Variants in GTPBP1 observed in about 807,000 individuals in gnomAD.
GTPBP1 encodes the protein GTP-binding protein 1.
A neutral mutation model predicts 62.0 loss-of-function variants in GTPBP1; 23 were observed. That is an observed-to-expected ratio of 0.37 (90% CI 0.27 to 0.53). The LOEUF (loss-of-function observed/expected upper bound fraction) is 0.53, where lower values mean the gene tolerates loss of function less well. GTPBP1 is among the 20% of genes least tolerant of loss of function. The pLI, the probability that GTPBP1 is intolerant of heterozygous loss-of-function variation, is 0.89. For missense variants in GTPBP1, 640 were observed against 917.3 expected (o/e 0.70, Z 3.90); for synonymous variants, 344 against 364.4 (o/e 0.94, Z 0.64).
At chr22:38,733,742 A>G (rs977596957), downstream of GTPBP1, among the ~76,000 whole-genome samples, 3 of 152,230 alleles carry the variant, frequency 2.0e-5, no homozygotes, top group Non-Finnish European at 4.4e-5. Context: ...AGAAGGTCAC[A>G]GGGATGAATA....
At chr22:38,707,656 A>T (rs1242473020) in intron 1 of GTPBP1, among the ~76,000 whole-genome samples, 1 of 152,252 alleles carries the variant, frequency 6.6e-6, no homozygotes, top group African/African-American at 2.4e-5. Flanking sequence ...CTGAAGAAAC[A>T]TGATAGGAAA....
At chr22:38,712,039 C>G (rs973889296) in intron 2 of GTPBP1, among the ~76,000 whole-genome samples, 2 of 152,002 alleles carry the variant, frequency 1.3e-5, no homozygotes, top group Admixed American at 1.3e-4. Flanking sequence ...TGCCACCACG[C>G]CTGGCTAATT....
At chr22:38,713,744 G>T (rs1365529159) in intron 2 of GTPBP1, among the ~76,000 whole-genome samples, 4 of 152,184 alleles carry the variant, frequency 2.6e-5, no homozygotes, top group Non-Finnish European at 5.9e-5. Context: ...TACCTCATAA[G>T]ATTACAGTGA....
Position 38,732,684 on chromosome 22 carries a change from C to G in GTPBP1, c.*1980C>G, listed in dbSNP as rs964182742. 3 of 152,284 alleles carry G rather than the reference C, an allele frequency of 2.0e-5. No individual in the cohort carries two copies. Among genetic ancestry groups the G allele is most frequent in the Non-Finnish European group, 4.4e-5 (3 of 68,138 alleles). The allele number at this position is 152,284 out of a possible 1,614,324, so 9.4% of individuals were successfully genotyped here. On this transcript the variant is annotated 3_prime_UTR_variant, in exon 12 of 12. Transcript: ENST00000216044. ...CATTCCCAGCAGCCGCCCCTGAGGT[C>G]GATGTTTGTTCTGTTTTTCTTTTTC...
downstream of GTPBP1, chr22:38,735,920 T>C (rs2092800756): frequency 4.7e-6 from 1 of 214,642 alleles, no homozygotes; most frequent in Non-Finnish European, 9.9e-6. Context: ...TGGCACCTGC[T>C]TCATCAGCTC....
At chr22:38,712,491 C>T (rs1360361648) in intron 2 of GTPBP1, among the ~76,000 whole-genome samples, 2 of 151,994 alleles carry the variant, frequency 1.3e-5, no homozygotes, top group Non-Finnish European at 2.9e-5. Flanking sequence ...TTCTGAGAGT[C>T]TAGGGAGTCT....
intron 2 of GTPBP1, among the ~76,000 whole-genome samples, chr22:38,712,065 G>A (rs1037937184): frequency 4.6e-5 from 7 of 151,962 alleles, no homozygotes; most frequent in African/African-American, 1.7e-4. Context: ...ATTTTTATTA[G>A]AGACGGGGTT....
Position 38,715,953 on chromosome 22 carries a change from C to T in GTPBP1, c.351C>T (p.Tyr117=), listed in dbSNP as rs375358120. ...GTGAAGCTGACATGGAGGCCTCCTA[C>T]GCCACAGTGAAGAGCATGGCGGAAC... ...GLSEADMEAS[Y]ATVKSMAEQI... Residue 117 remains tyrosine, a synonymous_variant, in exon 3 of 12, where the codon TAC becomes TAT. Coordinates refer to ENST00000216044, the MANE Select transcript of GTPBP1 (RefSeq NM_004286.5). 25 of 1,613,820 alleles carry T rather than the reference C, an allele frequency of 1.5e-5. No individual in the cohort carries two copies. Among genetic ancestry groups the T allele is most frequent in the South Asian group, 1.1e-4 (10 of 91,082 alleles).
intron 5 of GTPBP1, chr22:38,723,042 T>C: frequency 2.5e-6 from 2 of 793,284 alleles, no homozygotes; most frequent in Non-Finnish European, 4.6e-6. Context: ...GGGATGTTCA[T>C]GTGGTCCAAA....
At chr22:38,728,432 G>C in intron 10 of GTPBP1, 2 of 452,952 alleles carry the variant, frequency 4.4e-6, no homozygotes, top group Non-Finnish European at 4.1e-6. Flanking sequence ...GCCCAGCCAG[G>C]CTCAGCCTCC....
rs2092770838 is a variant in GTPBP1, at chr22:38,733,038, C to T, written c.*2334C>T. 1 of 152,338 alleles carries T rather than the reference C, an allele frequency of 6.6e-6. No homozygotes were observed. The highest frequency in any genetic ancestry group is 6.5e-5 in the Admixed American group (1 of 15,288). The allele number at this position is 152,338 out of a possible 1,614,324, so 9.4% of individuals were successfully genotyped here. On this transcript the variant is annotated 3_prime_UTR_variant, in exon 12 of 12. Coordinates refer to ENST00000216044, the MANE Select transcript of GTPBP1 (RefSeq NM_004286.5). ...AGGGAACTGAAGCTCAGAGAGGTGT[C>T]ACCAGCAGGTGTTCATTCCCATGCC...
chr22:38,740,038 G>C, downstream of GTPBP1: 3 of 1,414,272 alleles, frequency 2.1e-6, no homozygotes, highest in Non-Finnish European at 2.9e-6. This position sits in a 1 kb window ranked among gnomAD's most constrained non-coding sequence, Gnocchi z 4.8. Context: ...AGCAGGGATA[G>C]GGTAGGAGGG....
intron 2 of GTPBP1, 41 bp downstream of exon 2, chr22:38,708,997 T>C (rs761247515): frequency 7.9e-7 from 1 of 1,266,900 alleles, no homozygotes. Context: ...TAAAAATTAT[T>C]GGGCCGGGTG....
At chr22:38,742,548 T>C (rs1323225567), downstream of GTPBP1, 1 of 1,610,064 alleles carries the variant, frequency 6.2e-7, no homozygotes, top group Admixed American at 1.7e-5. Context: ...CATAACACGC[T>C]GCTCAGCCTG....
intron 5 of GTPBP1, chr22:38,722,732 A>C (rs1005703447): frequency 1.9e-6 from 3 of 1,602,694 alleles, no homozygotes; most frequent in Admixed American, 3.3e-5. Context: ...GCAGATACAC[A>C]TGGGTGATCT....
At chr22:38,739,433 TGCAG>T, downstream of GTPBP1, 2 of 1,612,834 alleles carry the variant, frequency 1.2e-6, no homozygotes, top group Non-Finnish European at 1.7e-6. This position sits in a 1 kb window ranked among gnomAD's most constrained non-coding sequence, Gnocchi z 6.7. Flanking sequence ...CCTGCTGCAA[TGCAG>T]GCACCAGGAG....
chr22:38,740,214 C>A, downstream of GTPBP1: 1 of 1,482,112 alleles, frequency 6.7e-7, no homozygotes. This position sits in a 1 kb window ranked among gnomAD's most constrained non-coding sequence, Gnocchi z 4.8. Context: ...CAGGACACGT[C>A]GTCTCAAAGG....
chr22:38,714,299 T>C (rs986348860), intron 2 of GTPBP1, among the ~76,000 whole-genome samples: 1 of 151,824 alleles, frequency 6.6e-6, no homozygotes, highest in African/African-American at 2.4e-5. Context: ...GCCAGCATGG[T>C]GAAACCCCGT....
intron 1 of GTPBP1, 110 bp downstream of exon 1, chr22:38,706,257 G>A: frequency 1.5e-6 from 1 of 673,758 alleles, no homozygotes; most frequent in African/African-American, 1.9e-5. Flanking sequence ...AGCGCGGAAC[G>A]GGAAGAAGGG....
Sources: allele counts gnomAD v4.1 joint callset (sites outside exome capture counted in the v4.1 genomes callset), GRCh38; gene constraint gnomAD v4.1.1; non-coding constraint Gnocchi (gnomAD v3.1); transcripts MANE v1.5; gene names NCBI Gene and HGNC (gene_info 2026-07-23, HGNC 2026-07-21).